Variants in KCNJ6 observed in about 807,000 individuals in gnomAD.
The protein encoded by KCNJ6 is potassium inwardly rectifying channel subfamily J member 6.
A neutral mutation model predicts 34.2 loss-of-function variants in KCNJ6; 9 were observed. That is an observed-to-expected ratio of 0.26 (90% CI 0.16 to 0.46). The LOEUF (loss-of-function observed/expected upper bound fraction) is 0.46. KCNJ6 is among the 20% of genes least tolerant of loss of function. The probability of loss-of-function intolerance (pLI) is 1.00; values close to 1 mark genes in which losing one functional copy is unlikely to be tolerated. For missense variants in KCNJ6, 236 were observed against 531.3 expected, an observed-to-expected ratio of 0.44 and a Z score of 5.46; for synonymous variants, 196 against 207.1, an observed-to-expected ratio of 0.95 and a Z score of 0.46.
intron 3 of KCNJ6, among the ~76,000 whole-genome samples, chr21:37,652,202 C>T (rs1023676819): frequency 8.5e-5 from 13 of 152,068 alleles, no homozygotes; most frequent in African/African-American, 2.4e-4. Context: ...TAGGAGCCCA[C>T]GGAGGAGAGT....
At chr21:37,633,883 T>G (rs1303661426) in intron 3 of KCNJ6, among the ~76,000 whole-genome samples, 1 of 152,052 alleles carries the variant, frequency 6.6e-6, no homozygotes, top group African/African-American at 2.4e-5. Flanking sequence ...TTTTCCCAAG[T>G]TACTTTATAG....
chr21:37,791,229 A>G (rs766636654), intron 2 of KCNJ6, among the ~76,000 whole-genome samples: 1 of 152,126 alleles, frequency 6.6e-6, no homozygotes, highest in Non-Finnish European at 1.5e-5. Context: ...TTAACCTTAC[A>G]TTTGGGGGCA....
At chr21:37,751,199 C>T (rs180680869) in intron 2 of KCNJ6, among the ~76,000 whole-genome samples, 40 of 152,378 alleles carry the variant, frequency 2.6e-4, no homozygotes, top group Admixed American at 4.6e-4. Context: ...GAGAGAAATG[C>T]AGTAGCCTTT....
At chr21:37,704,568 T>C (rs1166022534) in intron 3 of KCNJ6, among the ~76,000 whole-genome samples, 1 of 152,172 alleles carries the variant, frequency 6.6e-6, no homozygotes, top group African/African-American at 2.4e-5. Context: ...TTACACTATA[T>C]AAAACATGCT....
At chr21:37,856,680 T>C (rs532328483) in intron 1 of KCNJ6, among the ~76,000 whole-genome samples, 1 of 152,290 alleles carries the variant, frequency 6.6e-6, no homozygotes, top group East Asian at 1.9e-4. Flanking sequence ...AACGGGGGGA[T>C]CCAGGTAATG....
chr21:37,868,562 G>T (rs1426245552), intron 1 of KCNJ6, among the ~76,000 whole-genome samples: 1 of 152,154 alleles, frequency 6.6e-6, no homozygotes, highest in South Asian at 2.1e-4. Flanking sequence ...ACATCTCTCT[G>T]GGATTTGTGG....
At chr21:37,885,510 T>C (rs1318177962) in intron 1 of KCNJ6, among the ~76,000 whole-genome samples, 1 of 152,226 alleles carries the variant, frequency 6.6e-6, no homozygotes, top group Non-Finnish European at 1.5e-5. Context: ...GGGGCAGACC[T>C]GAGCACTTCA....
chr21:37,748,436 G>C (rs969283320), intron 2 of KCNJ6, among the ~76,000 whole-genome samples: 1 of 152,204 alleles, frequency 6.6e-6, no homozygotes, highest in Non-Finnish European at 1.5e-5. Context: ...TCCATGGTTC[G>C]TGGATGGGAG....
chr21:37,877,709 A>G (rs1383021543), intron 1 of KCNJ6, among the ~76,000 whole-genome samples: 2 of 152,136 alleles, frequency 1.3e-5, no homozygotes, highest in Non-Finnish European at 2.9e-5. Context: ...CGGATCGGCC[A>G]CAGGTGGCCT....
intron 2 of KCNJ6, among the ~76,000 whole-genome samples, chr21:37,747,166 C>G (rs1303137098): frequency 1.3e-5 from 2 of 152,180 alleles, no homozygotes; most frequent in Non-Finnish European, 2.9e-5. Context: ...CACAAAGACA[C>G]AAGTGTAGGA....
chr21:37,739,978 A>G (rs1190335257), intron 2 of KCNJ6, among the ~76,000 whole-genome samples: 1 of 151,034 alleles, frequency 6.6e-6, no homozygotes, highest in Non-Finnish European at 1.5e-5. Context: ...CCAGCTTTGA[A>G]GCACCTGTGG....
At chr21:37,721,584 G>A (rs541385448) in intron 2 of KCNJ6, among the ~76,000 whole-genome samples, 1 of 152,316 alleles carries the variant, frequency 6.6e-6, no homozygotes, top group Admixed American at 6.5e-5. Flanking sequence ...TTATTACTCA[G>A]CCTTAAAAAG....
At chr21:37,642,188 T>C (rs1409906483) in intron 3 of KCNJ6, among the ~76,000 whole-genome samples, 2 of 152,202 alleles carry the variant, frequency 1.3e-5, no homozygotes, top group East Asian at 3.9e-4. Context: ...ATCAGTGGCA[T>C]ATGGATGATA....
chr21:37,654,589 AG>A (rs2054449197), intron 3 of KCNJ6, among the ~76,000 whole-genome samples: 1 of 152,084 alleles, frequency 6.6e-6, no homozygotes, highest in Non-Finnish European at 1.5e-5. Flanking sequence ...GCCACCATGC[AG>A]GGCCTGCCCA....
At chr21:37,838,167 T>C (rs978219797) in intron 2 of KCNJ6, among the ~76,000 whole-genome samples, 33 of 152,342 alleles carry the variant, frequency 2.2e-4, no homozygotes, top group African/African-American at 7.5e-4. Flanking sequence ...TCAACTTTGA[T>C]AGAATTCTCT....
intron 2 of KCNJ6, among the ~76,000 whole-genome samples, chr21:37,756,877 C>A (rs2055030813): frequency 6.9e-6 from 1 of 144,860 alleles, no homozygotes; most frequent in African/African-American, 2.6e-5. Context: ...ATGATTCCAG[C>A]CCGGAGTGAG....
intron 1 of KCNJ6, among the ~76,000 whole-genome samples, chr21:37,853,846 G>GTGTGTGTATATATATATATATATA (rs71198897): frequency 6.0e-5 from 7 of 115,990 alleles, no homozygotes; most frequent in African/African-American, 2.8e-4. Flanking sequence ...ATATATATAT[G>GTGTGTGTATATATATATATATATA]TATATATATA....
At chr21:37,835,850 CT>C (rs1490479004) in intron 2 of KCNJ6, among the ~76,000 whole-genome samples, 1 of 152,158 alleles carries the variant, frequency 6.6e-6, no homozygotes, top group Non-Finnish European at 1.5e-5. Flanking sequence ...CCAGTGTGGG[CT>C]TTCTGGTTGC....
intron 1 of KCNJ6, among the ~76,000 whole-genome samples, chr21:37,851,964 G>A (rs1328791589): frequency 6.6e-6 from 1 of 151,360 alleles, no homozygotes; most frequent in Non-Finnish European, 1.5e-5. Flanking sequence ...AATTGGAAAT[G>A]TCAATAGATG....
Sources: allele counts gnomAD v4.1 joint callset (sites outside exome capture counted in the v4.1 genomes callset), GRCh38; gene constraint gnomAD v4.1.1; transcripts MANE v1.5; gene names NCBI Gene and HGNC (gene_info 2026-07-23, HGNC 2026-07-21).